Variants in LRRIQ3 observed in about 807,000 individuals in gnomAD.
LRRIQ3 encodes leucine-rich repeat and IQ domain-containing protein 3.
Under a neutral mutation model 59.3 loss-of-function variants are expected in LRRIQ3, and 75 were observed. That is an observed-to-expected ratio of 1.26 (90% confidence interval 1.05 to 1.53). LRRIQ3 has a LOEUF of 1.53. Among genes scored for constraint, LRRIQ3 ranks in the 40% most tolerant of loss-of-function variants. The pLI, the probability that LRRIQ3 is intolerant of heterozygous loss-of-function variation, is 0.00. For missense variants in LRRIQ3, 831 were observed against 710.0 expected (o/e 1.17, Z -1.94); for synonymous variants, 250 against 231.3 (o/e 1.08, Z -0.73).
intron 6 of LRRIQ3, among the ~76,000 whole-genome samples, chr1:74,056,265 A>T (rs1654533959): frequency 6.6e-6 from 1 of 152,140 alleles, no homozygotes; most frequent in Non-Finnish European, 1.5e-5. Flanking sequence ...AGCTCATATC[A>T]TACACAATGG....
rs556720011 is a variant in LRRIQ3 at position 74,189,845 on chromosome 1, T to C, written c.1-6161A>G. ...GGAACTGTGAGTCCACTGAGCCTCT[T>C]TTTCTTTATAAATTACCCGGTGTTG... is the stretch of plus-strand genomic sequence containing the variant. On this transcript the variant is annotated intron_variant, in intron 1 of 7. Coordinates refer to ENST00000354431, the MANE Select transcript of LRRIQ3 (RefSeq NM_001105659.2). 7.9e-5 allele frequency among the ~76,000 whole-genome samples: 12 copies of C among 152,292 alleles called. No individual in the cohort carries two copies. In the East Asian group the frequency reaches 2.3e-3, roughly 29 times the overall value.
At chr1:74,174,990 C>T (rs1649550968) in intron 3 of LRRIQ3, among the ~76,000 whole-genome samples, 1 of 152,100 alleles carries the variant, frequency 6.6e-6, no homozygotes, top group Non-Finnish European at 1.5e-5. Context: ...TACGTTGGTG[C>T]TTGTGCATTT....
chr1:74,095,344 G>T (rs1646437893), intron 5 of LRRIQ3, among the ~76,000 whole-genome samples: 1 of 152,058 alleles, frequency 6.6e-6, no homozygotes, highest in South Asian at 2.1e-4. Context: ...CGCTATTAGG[G>T]ATGATTACTC....
In LRRIQ3 at chr1:74,157,931, T is replaced by C. The variant is rs187072678; in HGVS notation, c.574-2065A>G. On this transcript the variant is annotated intron_variant, in intron 3 of 7. Transcript: ENST00000354431. ...AACTGATATCTAACTAAATACAACTTTCCCAAATATGAATTTTCTTTCCCA... is the reference window on the plus strand; with the variant it reads ...AACTGATATCTAACTAAATACAACTCTCCCAAATATGAATTTTCTTTCCCA... 9.9e-5 allele frequency among the ~76,000 whole-genome samples: 15 copies of C among 152,156 alleles called. No individual in the cohort carries two copies. The East Asian group carries it at 2.5e-3, about 26-fold the overall frequency.
chr1:74,085,999 T>A (rs1646324088), intron 5 of LRRIQ3, among the ~76,000 whole-genome samples: 1 of 152,024 alleles, frequency 6.6e-6, no homozygotes, highest in Non-Finnish European at 1.5e-5. Flanking sequence ...ACCCTCTCCA[T>A]CCTTCGGAGC....
intron 4 of LRRIQ3, among the ~76,000 whole-genome samples, chr1:74,119,611 G>A (rs191133765): frequency 1.2e-4 from 18 of 151,702 alleles, no homozygotes; most frequent in Non-Finnish European, 2.4e-4. Flanking sequence ...TTTGTTTATG[G>A]GTGTACAGTA....
At chr1:74,102,847 T>C (rs1414911431) in intron 5 of LRRIQ3, among the ~76,000 whole-genome samples, 1 of 152,026 alleles carries the variant, frequency 6.6e-6, no homozygotes. Context: ...CAAAACCAAT[T>C]CTGCAATTAC....
At chr1:74,059,080 A>G (rs1654624083) in intron 6 of LRRIQ3, among the ~76,000 whole-genome samples, 1 of 143,820 alleles carries the variant, frequency 7.0e-6, no homozygotes, top group Non-Finnish European at 1.5e-5. Context: ...GATATTTTTA[A>G]TATTTCTGGA....
At chr1:74,119,402 C>A (rs1049415190) in intron 4 of LRRIQ3, among the ~76,000 whole-genome samples, 1 of 151,846 alleles carries the variant, frequency 6.6e-6, no homozygotes, top group Non-Finnish European at 1.5e-5. Flanking sequence ...TTTTTCTTTG[C>A]TCGACTACTT....
chr1:74,057,566 C>T, intron 6 of LRRIQ3, among the ~76,000 whole-genome samples: 1 of 152,146 alleles, frequency 6.6e-6, no homozygotes, highest in East Asian at 1.9e-4. Flanking sequence ...AAACTAGACC[C>T]CTATCTCTCA....
intron 4 of LRRIQ3, among the ~76,000 whole-genome samples, chr1:74,130,302 C>T (rs1342824082): frequency 1.3e-5 from 2 of 152,066 alleles, no homozygotes; most frequent in African/African-American, 4.8e-5. Context: ...GAGCAACTTC[C>T]CTATGGCTAT....
At chr1:74,098,341 C>G (rs1226655243) in intron 5 of LRRIQ3, among the ~76,000 whole-genome samples, 2 of 152,174 alleles carry the variant, frequency 1.3e-5, no homozygotes, top group Admixed American at 6.6e-5. Flanking sequence ...ATCAATTCAA[C>G]AAGAAGAGCT....
chr1:74,172,181 A>G (rs1649364429), intron 3 of LRRIQ3, among the ~76,000 whole-genome samples: 1 of 152,050 alleles, frequency 6.6e-6, no homozygotes, highest in African/African-American at 2.4e-5. Context: ...CTTCAGGTGT[A>G]CAGTTGGTTG....
chr1:74,134,885 A>T (rs1647096176), intron 4 of LRRIQ3, among the ~76,000 whole-genome samples: 1 of 151,984 alleles, frequency 6.6e-6, no homozygotes, highest in African/African-American at 2.4e-5. Flanking sequence ...TGGTGGATGT[A>T]AGTCCAGCTA....
intron 5 of LRRIQ3, chr1:74,084,240 GT>G: frequency 6.5e-7 from 1 of 1,536,854 alleles, no homozygotes; most frequent in Non-Finnish European, 8.8e-7. Context: ...CAGTAATAAA[GT>G]TTAAAGATGG....
At chr1:74,129,094 A>G (rs1646975548) in intron 4 of LRRIQ3, among the ~76,000 whole-genome samples, 1 of 152,046 alleles carries the variant, frequency 6.6e-6, no homozygotes, top group Non-Finnish European at 1.5e-5. Flanking sequence ...CAAGTCTTTC[A>G]GTAACCACTG....
At chr1:74,120,059 T>G (rs768985872) in intron 4 of LRRIQ3, among the ~76,000 whole-genome samples, 1 of 151,932 alleles carries the variant, frequency 6.6e-6, no homozygotes, top group Non-Finnish European at 1.5e-5. Flanking sequence ...TTATATATGT[T>G]CAGGTTTTAT....
intron 3 of LRRIQ3, chr1:74,182,240 A>T (rs1650023820): frequency 6.0e-6 from 1 of 167,634 alleles, no homozygotes; most frequent in Non-Finnish European, 1.3e-5. Context: ...AGTATTTCTC[A>T]ATGGAGTCTT....
At chr1:74,102,812 A>G (rs1646554190) in intron 5 of LRRIQ3, among the ~76,000 whole-genome samples, 1 of 151,954 alleles carries the variant, frequency 6.6e-6, no homozygotes, top group Non-Finnish European at 1.5e-5. Flanking sequence ...ATTATGTATT[A>G]ATCTAGCACC....
Sources: gnomAD v4.1 joint callset for allele counts (sites outside exome capture counted in the v4.1 genomes callset) on GRCh38, gnomAD v4.1.1 for gene constraint, MANE v1.5 for transcripts, NCBI Gene and HGNC (gene_info 2026-07-23, HGNC 2026-07-21) for gene names.